TFEC: variants seen among roughly 807,000 people sequenced by gnomAD.
TFEC encodes the protein class E basic helix-loop-helix protein 34.
Under a neutral mutation model 41.6 loss-of-function variants are expected in TFEC, and 31 were observed. The ratio of observed to expected loss-of-function variants is 0.74; its 90% confidence interval spans 0.56 to 1.01. The LOEUF is 1.01. Among genes scored for constraint, TFEC ranks in the 50% least tolerant of loss-of-function variants. The pLI is 0.00. For missense variants in TFEC, 402 were observed against 404.1 expected (o/e 0.99, Z 0.04); for synonymous variants, 143 against 140.6 (o/e 1.02, Z -0.12).
intron 3 of TFEC, among the ~76,000 whole-genome samples, chr7:116,069,913 A>T (rs1796784953): frequency 6.6e-6 from 1 of 151,618 alleles, no homozygotes; most frequent in African/African-American, 2.4e-5. Flanking sequence ...TGTAGTGATG[A>T]TGTACTCTGA....
chr7:116,040,499 A>T (rs530094233), intron 3 of TFEC, among the ~76,000 whole-genome samples: 1 of 152,322 alleles, frequency 6.6e-6, no homozygotes, highest in South Asian at 2.1e-4. Context: ...GATACATAAA[A>T]TAGAAATTGC....
chr7:116,086,217 T>C (rs988435086), intron 3 of TFEC, among the ~76,000 whole-genome samples: 4 of 151,908 alleles, frequency 2.6e-5, no homozygotes. Flanking sequence ...GCACTTTAGA[T>C]TGATGCTTAG....
intron 1 of TFEC, among the ~76,000 whole-genome samples, chr7:116,151,569 G>A (rs1052319107): frequency 3.9e-5 from 6 of 151,936 alleles, no homozygotes; most frequent in Non-Finnish European, 8.8e-5. Context: ...TTATTCTTCA[G>A]TTGGATTTTT....
Position 115,984,365 on chromosome 7 carries a change from A to C in TFEC, c.77T>G (p.Val26Gly). Residue 26 changes from valine (V) to glycine (G), a missense_variant, in exon 2 of 8, where the codon GTG becomes GGG. Transcript: ENST00000265440. The stretch of plus-strand genomic sequence containing the variant: ...GTCCAGAGTTGTGTGTGCATGCTGC[A>C]CAAGAGGCCCACCACTTGGCACTGC... Reference protein sequence around the residue: ...QPAVPSGGPLVQHAHTTLDSD... With the variant: ...QPAVPSGGPLGQHAHTTLDSD... 3.7e-6 allele frequency: 6 copies of C among 1,614,180 alleles called. No individual in the cohort carries two copies. The highest frequency in any genetic ancestry group is 5.1e-6 in the Non-Finnish European group (6 of 1,179,996).
rs1363744849 is a variant in TFEC, at chr7:115,941,955, C to A, written c.601G>T (p.Glu201Ter). ...AATTTCTTCTGTCTGTGTTCCAATTCTCGGGCTCTCTGTTGTTCTTTTTGT... is the reference window on the plus strand; with the variant it reads ...AATTTCTTCTGTCTGTGTTCCAATTATCGGGCTCTCTGTTGTTCTTTTTGT... ...WLQKEQQRAR[E>*]LEHRQKKLEQ... The change falls in exon 7 of 8, where the codon GAA becomes TAA. Residue 201 changes from glutamate (E) to a stop codon, truncating the protein, a stop_gained. Transcript: ENST00000265440. LOFTEE classifies it high-confidence loss of function. 4 of 1,612,990 alleles carry A rather than the reference C, an allele frequency of 2.5e-6. No homozygotes were observed. The highest frequency in any genetic ancestry group is 1.7e-5 in the Admixed American group (1 of 59,870).
At chr7:116,095,121 T>C (rs1797420849) in intron 3 of TFEC, among the ~76,000 whole-genome samples, 2 of 152,220 alleles carry the variant, frequency 1.3e-5, no homozygotes, top group Admixed American at 1.3e-4. Context: ...TTACAAAATT[T>C]ATAATACAGG....
chr7:116,088,060 G>A (rs1477900258), intron 3 of TFEC, among the ~76,000 whole-genome samples: 1 of 151,990 alleles, frequency 6.6e-6, no homozygotes, highest in African/African-American at 2.4e-5. Context: ...ATAGGACTTT[G>A]CTGTCATGAT....
intron 1 of TFEC, among the ~76,000 whole-genome samples, chr7:116,123,887 T>C (rs183023997): frequency 5.9e-5 from 9 of 152,168 alleles, no homozygotes; most frequent in Admixed American, 5.9e-4. Flanking sequence ...TTTAAATGTG[T>C]CTATATCTGC....
chr7:116,106,372 T>TTTTGTTTG (rs529198352), intron 3 of TFEC, among the ~76,000 whole-genome samples: 105 of 152,032 alleles, frequency 6.9e-4, no homozygotes, highest in African/African-American at 2.4e-3. Flanking sequence ...GTTTTTTGTT[T>TTTTGTTTG]TTTGTTTGTT....
chr7:116,088,448 G>T lies in TFEC; in HGVS notation c.198+22260C>A, dbSNP rs974104188. ...GAAAATCAAAGAATGAGACAGGATG[G>T]TGACCATCTGTGTTCCTCAGTTTCT... On this transcript the variant is annotated intron_variant, in intron 3 of 8. Coordinates refer to the TFEC transcript ENST00000484212. Among the ~76,000 whole-genome samples the T allele has an allele frequency of 9.2e-5, 14 of 152,092 alleles. No homozygotes were observed. The East Asian group carries it at 1.4e-3, about 15-fold the overall frequency.
At chr7:116,011,496 T>TA (rs1794999662) in intron 1 of TFEC, among the ~76,000 whole-genome samples, 1 of 152,190 alleles carries the variant, frequency 6.6e-6, no homozygotes, top group African/African-American at 2.4e-5. Flanking sequence ...TTGTATGCTA[T>TA]CTATTGAAGA....
intron 1 of TFEC, among the ~76,000 whole-genome samples, chr7:116,007,772 C>G (rs80065633): frequency 0.043 from 6,564 of 152,226 alleles, 211 homozygotes; most frequent in Middle Eastern, 0.068. Context: ...AGACTGTCTA[C>G]TTGCATCATA....
At chr7:115,944,779 C>G (rs1791436759) in intron 6 of TFEC, among the ~76,000 whole-genome samples, 1 of 151,376 alleles carries the variant, frequency 6.6e-6, no homozygotes, top group Non-Finnish European at 1.5e-5. Context: ...GGCTTTCCCA[C>G]CTTTCAAATG....
At chr7:115,959,581 A>G (rs1792421850) in intron 3 of TFEC, among the ~76,000 whole-genome samples, 1 of 151,788 alleles carries the variant, frequency 6.6e-6, no homozygotes, top group Non-Finnish European at 1.5e-5. Context: ...AACAAACACC[A>G]TTATAAATAA....
chr7:115,991,631 C>A (rs1028063744), intron 1 of TFEC, among the ~76,000 whole-genome samples: 2 of 152,102 alleles, frequency 1.3e-5, no homozygotes, highest in Non-Finnish European at 2.9e-5. Context: ...ACAAAGAAGG[C>A]CATTACATAA....
At position 115,939,046 on chromosome 7, in the gene TFEC, C is replaced by T. The variant is rs545341817; in HGVS notation, c.*1505G>A. ...ATGCCTTTCAAAGAGAAGTCAAATT[C>T]TGCTGTTCCCATAAAGTTTGTCAGT... is the stretch of plus-strand genomic sequence containing the variant. On this transcript the variant is annotated 3_prime_UTR_variant, in exon 8 of 8. Coordinates refer to ENST00000265440, the MANE Select transcript of TFEC (RefSeq NM_012252.4). 10 of 152,096 alleles carry T rather than the reference C, an allele frequency of 6.6e-5. No homozygotes were observed. The East Asian group carries it at 1.4e-3, about 21-fold the overall frequency. 9.4% of individuals were successfully genotyped at this position (152,096 alleles called of 1,614,324 possible).
chr7:116,018,673 C>T (rs1795283239), intron 1 of TFEC, among the ~76,000 whole-genome samples: 2 of 152,076 alleles, frequency 1.3e-5, no homozygotes, highest in Non-Finnish European at 2.9e-5. Flanking sequence ...TAGATTTTCC[C>T]AATAAAGTCA....
At chr7:115,950,195 A>G (rs769619746) in intron 6 of TFEC, among the ~76,000 whole-genome samples, 1 of 152,060 alleles carries the variant, frequency 6.6e-6, no homozygotes, top group Non-Finnish European at 1.5e-5. Context: ...TATTTTTAAT[A>G]GAGACAGAGT....
chr7:115,972,047 T>G (rs567839707), intron 3 of TFEC, among the ~76,000 whole-genome samples: 6 of 152,066 alleles, frequency 3.9e-5, no homozygotes, highest in Non-Finnish European at 7.4e-5. Context: ...ACTATAAAAA[T>G]CCTTCAGAGT....
Sources: gnomAD v4.1 joint callset for allele counts (sites outside exome capture counted in the v4.1 genomes callset) on GRCh38, gnomAD v4.1.1 for gene constraint, MANE v1.5 for transcripts, NCBI Gene and HGNC (gene_info 2026-07-23, HGNC 2026-07-21) for gene names.